ARHGEF4: variants seen among roughly 807,000 people sequenced by gnomAD.
ARHGEF4 encodes the protein APC-stimulated guanine nucleotide exchange factor 1.
ARHGEF4 carries 119 observed loss-of-function variants against 162.0 expected under a neutral mutation model. That is an observed-to-expected ratio of 0.73 (90% CI 0.63 to 0.86). ARHGEF4 has a LOEUF of 0.86. ARHGEF4 is among the 40% of genes least tolerant of loss of function. The pLI, the probability that ARHGEF4 is intolerant of heterozygous loss-of-function variation, is 0.00. For missense variants in ARHGEF4, 2,488 were observed against 2,456.0 expected (o/e 1.01, Z -0.28); for synonymous variants, 1,014 against 979.9 (o/e 1.03, Z -0.65).
intron 4 of ARHGEF4, among the ~76,000 whole-genome samples, chr2:130,957,704 T>A (rs1176733372): frequency 6.6e-6 from 1 of 152,074 alleles, no homozygotes; most frequent in Non-Finnish European, 1.5e-5. Context: ...TGAAGGTGGA[T>A]CCTTCATGAA....
intron 1 of ARHGEF4, among the ~76,000 whole-genome samples, chr2:130,875,294 T>C (rs1014233456): frequency 1.3e-5 from 2 of 152,128 alleles, no homozygotes; most frequent in South Asian, 4.2e-4. Flanking sequence ...CCAGCCCCGA[T>C]ATCACTCTTT....
intron 1 of ARHGEF4, among the ~76,000 whole-genome samples, chr2:130,903,400 C>T (rs1049234575): frequency 6.6e-6 from 1 of 152,114 alleles, no homozygotes; most frequent in Non-Finnish European, 1.5e-5. Context: ...GCTGGGATTA[C>T]AGGCACGTGC....
At chr2:131,018,222 A>G (rs1287229183) in intron 4 of ARHGEF4, among the ~76,000 whole-genome samples, 1 of 152,242 alleles carries the variant, frequency 6.6e-6, no homozygotes, top group African/African-American at 2.4e-5. Flanking sequence ...TATAATCCAC[A>G]TGCCATTGTT....
At chr2:131,036,453 A>G (rs1234378340) in intron 5 of ARHGEF4, among the ~76,000 whole-genome samples, 1 of 152,144 alleles carries the variant, frequency 6.6e-6, no homozygotes, top group Non-Finnish European at 1.5e-5. Flanking sequence ...CTCCTCCCCA[A>G]GGTCTTCCAG....
In ARHGEF4 at chr2:130,874,175, G is replaced by A. The variant is rs557557497; in HGVS notation, c.39+37183G>A. On this transcript the variant is annotated intron_variant, in intron 1 of 13. Transcript: ENST00000409359. ...GGGGGATCTCCCTATCAGCAAAAACGGAGGCTCAGTCCCTGCAGATGTTTG... is the reference window on the plus strand; with the variant it reads ...GGGGGATCTCCCTATCAGCAAAAACAGAGGCTCAGTCCCTGCAGATGTTTG... 1.1e-4 allele frequency among the ~76,000 whole-genome samples: 16 copies of A among 152,308 alleles called. No homozygotes were observed. In the East Asian group the frequency reaches 2.3e-3, roughly 22 times the overall value.
chr2:130,909,133 C>T (rs1681022047), intron 1 of ARHGEF4, among the ~76,000 whole-genome samples: 1 of 152,158 alleles, frequency 6.6e-6, no homozygotes, highest in Admixed American at 6.5e-5. Context: ...TGCCCCTACC[C>T]TGTGTATCTG....
rs531364986 is a variant in ARHGEF4, at chr2:130,964,916, T to C, written c.3985+18281T>C. ...GAGAGGAAGATTTTGTCCCTAAATA[T>C]TAATGGAGCAAGGAAGTCAAGAGTG... On this transcript the variant is annotated intron_variant, in intron 4 of 13. Coordinates refer to ENST00000409359, the MANE Select transcript of ARHGEF4 (RefSeq NM_001367493.1). 1.6e-3 allele frequency among the ~76,000 whole-genome samples: 247 copies of C among 152,354 alleles called. 1 individual carries two copies. The highest frequency in any genetic ancestry group is 3.4e-3 in the Middle Eastern group (1 of 294).
intron 1 of ARHGEF4, among the ~76,000 whole-genome samples, chr2:130,894,534 A>T (rs1371737699): frequency 6.6e-6 from 1 of 152,190 alleles, no homozygotes; most frequent in East Asian, 1.9e-4. Flanking sequence ...TGGTCCTGCC[A>T]CGGAGGCAGG....
chr2:130,932,041 C>T (rs1049607359), intron 3 of ARHGEF4, among the ~76,000 whole-genome samples: 6 of 152,160 alleles, frequency 3.9e-5, no homozygotes, highest in African/African-American at 1.4e-4. Flanking sequence ...TTCATCACCC[C>T]TAAAGGAAAC....
At chr2:130,852,145 C>T (rs930790929) in intron 1 of ARHGEF4, among the ~76,000 whole-genome samples, 14 of 152,222 alleles carry the variant, frequency 9.2e-5, no homozygotes, top group Non-Finnish European at 1.6e-4. Context: ...GCACACCCTG[C>T]GCTGGGGCTG....
chr2:130,992,130 G>A (rs1448424313), intron 4 of ARHGEF4, among the ~76,000 whole-genome samples: 1 of 152,132 alleles, frequency 6.6e-6, no homozygotes, highest in Non-Finnish European at 1.5e-5. Context: ...AATCTGATGG[G>A]GACGAGGCGA....
Position 130,915,066 on chromosome 2 carries a change from A to C in ARHGEF4, c.1120A>C (p.Arg374=). The C allele has an allele frequency of 1.3e-6, 2 of 1,550,742 alleles. No homozygotes were observed. The highest frequency in any genetic ancestry group is 1.7e-6 in the Non-Finnish European group (2 of 1,147,028). ...KEGAKNERDP[R]IQNIPSPAPT... ...AGGGGCCAAAAATGAACGAGATCCAAGAATACAAAACATCCCTTCCCCTGC... is the reference window on the plus strand; with the variant it reads ...AGGGGCCAAAAATGAACGAGATCCACGAATACAAAACATCCCTTCCCCTGC... Residue 374 remains arginine, a synonymous_variant, in exon 2 of 14, where the codon AGA becomes CGA. Coordinates refer to ENST00000409359, the MANE Select transcript of ARHGEF4 (RefSeq NM_001367493.1).
intron 4 of ARHGEF4, among the ~76,000 whole-genome samples, chr2:130,958,018 A>C (rs1002302619): frequency 7.9e-5 from 12 of 151,480 alleles, no homozygotes; most frequent in African/African-American, 2.9e-4. Flanking sequence ...AAAGGAACAA[A>C]AAAAAAAAAG....
chr2:130,926,687 C>A (rs2105090913), intron 2 of ARHGEF4, among the ~76,000 whole-genome samples: 1 of 151,736 alleles, frequency 6.6e-6, no homozygotes, highest in South Asian at 2.1e-4. Context: ...TAAGATTTTA[C>A]AACAAGCTTG....
chr2:130,971,072 C>T (rs1685328409), intron 4 of ARHGEF4, among the ~76,000 whole-genome samples: 1 of 152,088 alleles, frequency 6.6e-6, no homozygotes, highest in Non-Finnish European at 1.5e-5. Flanking sequence ...GATCTATGAT[C>T]TATTTTGAGT....
chr2:131,017,486 C>T (rs1688844488), intron 4 of ARHGEF4, among the ~76,000 whole-genome samples: 1 of 152,176 alleles, frequency 6.6e-6, no homozygotes, highest in Admixed American at 6.5e-5. Flanking sequence ...TTGAAACTCG[C>T]TTTTCTTTTC....
Position 130,879,143 on chromosome 2 carries a change from A to C in ARHGEF4, c.40-34843A>C, listed in dbSNP as rs534152540. 9.5e-4 allele frequency among the ~76,000 whole-genome samples: 145 copies of C among 152,294 alleles called. 1 individual carries two copies. The highest frequency in any genetic ancestry group is 3.2e-3 in the African/African-American group (133 of 41,548). On this transcript the variant is annotated intron_variant, in intron 1 of 13. Coordinates refer to ENST00000409359, the MANE Select transcript of ARHGEF4 (RefSeq NM_001367493.1). Reference sequence around the variant, plus strand: ...TCCAGGAGGGAGGGAGTGAGAGAAGAAGCTACATTTTCCAGGAACTGGTTG... The same window carrying C: ...TCCAGGAGGGAGGGAGTGAGAGAAGCAGCTACATTTTCCAGGAACTGGTTG...
At chr2:131,042,523 G>A (rs1433322828) in intron 10 of ARHGEF4, among the ~76,000 whole-genome samples, 2 of 151,942 alleles carry the variant, frequency 1.3e-5, no homozygotes, top group African/African-American at 4.8e-5. Flanking sequence ...CCACATGGGT[G>A]CTGCCACCAC....
chr2:130,959,426 G>C (rs999960306), intron 4 of ARHGEF4, among the ~76,000 whole-genome samples: 1 of 152,162 alleles, frequency 6.6e-6, no homozygotes, highest in Non-Finnish European at 1.5e-5. Flanking sequence ...CATGAGTGGC[G>C]AGCACTGGAA....
Sources: gnomAD v4.1 joint callset for allele counts (sites outside exome capture counted in the v4.1 genomes callset) on GRCh38, gnomAD v4.1.1 for gene constraint, MANE v1.5 for transcripts, NCBI Gene and HGNC (gene_info 2026-07-23, HGNC 2026-07-21) for gene names.